FAT3: variants seen among roughly 807,000 people sequenced by gnomAD.
FAT3 encodes the protein protocadherin Fat 3.
FAT3 carries 95 observed loss-of-function variants against 310.2 expected under a neutral mutation model. The observed-to-expected ratio is 0.31, with a 90% CI of 0.26 to 0.36. The LOEUF is 0.36. Ranked by LOEUF, FAT3 falls within the 10% of genes least tolerant of loss-of-function variation. FAT3 has a pLI of 1.00. For missense variants in FAT3, 5,408 were observed against 5,715.6 expected (o/e 0.95, Z 1.74); for synonymous variants, 2,314 against 2,192.9 (o/e 1.06, Z -1.54).
chr11:92,272,636 G>T (rs1430028508), intron 1 of FAT3, among the ~76,000 whole-genome samples: 7 of 152,066 alleles, frequency 4.6e-5, no homozygotes, highest in Admixed American at 4.6e-4. Context: ...AGAGAATGAA[G>T]AGGGAAAGCT....
intron 4 of FAT3, among the ~76,000 whole-genome samples, chr11:92,736,153 C>T (rs1945339229): frequency 6.6e-6 from 1 of 152,132 alleles, no homozygotes; most frequent in African/African-American, 2.4e-5. Context: ...GTTACTCTTT[C>T]AGATCATAGA....
At chr11:92,438,862 A>T (rs959901149) in intron 2 of FAT3, among the ~76,000 whole-genome samples, 2 of 152,198 alleles carry the variant, frequency 1.3e-5, no homozygotes, top group Admixed American at 1.3e-4. Flanking sequence ...TTTAAAAGTT[A>T]TTGGGGACCT....
chr11:92,783,504 A>T (rs1205504992), intron 7 of FAT3, among the ~76,000 whole-genome samples: 4 of 6,584 alleles, frequency 6.1e-4, no homozygotes, highest in Admixed American at 2.4e-3. Flanking sequence ...TTTTTAATTA[A>T]AAAAAAAAAA....
chr11:92,715,772 A>G (rs1001070100), intron 4 of FAT3, among the ~76,000 whole-genome samples: 3 of 151,978 alleles, frequency 2.0e-5, no homozygotes, highest in Non-Finnish European at 2.9e-5. Context: ...AGGACTTCAC[A>G]GAAGAGGGGA....
intron 3 of FAT3, among the ~76,000 whole-genome samples, chr11:92,641,987 G>A (rs1236664282): frequency 6.6e-6 from 1 of 152,242 alleles, no homozygotes; most frequent in African/African-American, 2.4e-5. Flanking sequence ...ACTTGTAGAA[G>A]CCGTTTGAGG....
At chr11:92,414,254 AT>A (rs1407234643) in intron 2 of FAT3, among the ~76,000 whole-genome samples, 10 of 152,180 alleles carry the variant, frequency 6.6e-5, no homozygotes, top group Non-Finnish European at 1.3e-4. Context: ...CCTGCCCCTT[AT>A]CCCCACCCAA....
chr11:92,775,266 A>G (rs764700955), intron 7 of FAT3, among the ~76,000 whole-genome samples: 2 of 152,212 alleles, frequency 1.3e-5, no homozygotes, highest in Non-Finnish European at 2.9e-5. Context: ...ATTTGCAACT[A>G]TGTTGTTTTA....
At position 92,857,237 on chromosome 11, in the gene FAT3, G is replaced by T; in HGVS notation, c.11389G>T (p.Asp3797Tyr). 1 of 1,613,970 alleles carries T rather than the reference G, an allele frequency of 6.2e-7. No individual in the cohort carries two copies. Among genetic ancestry groups the T allele is most frequent in the Non-Finnish European group, 8.5e-7 (1 of 1,179,894 alleles). The change falls in exon 20 of 28, where the codon GAT becomes TAT. Residue 3797 changes from aspartate to tyrosine, a missense_variant. Coordinates refer to ENST00000525166, the MANE Select transcript of FAT3 (RefSeq NM_001367949.2). ...AGGAGGACTGTGTCCGGGGTCCAAC[G>T]ATCCTTGTGTGGAGAAGCCGTGTCC... is the stretch of plus-strand genomic sequence containing the variant. Reference protein sequence around the residue: ...CNGGLCPGSNDPCVEKPCPGD... With the variant: ...CNGGLCPGSNYPCVEKPCPGD...
intron 3 of FAT3, among the ~76,000 whole-genome samples, chr11:92,552,951 CA>C (rs374618399): frequency 2.1e-5 from 1 of 47,696 alleles, no homozygotes. Context: ...CACGTTCAAA[CA>C]AAAAAAAATA....
chr11:92,844,756 C>T (rs1268976229), intron 19 of FAT3, 24 bp downstream of exon 19: 6 of 1,481,588 alleles, frequency 4.0e-6, no homozygotes, highest in African/African-American at 1.4e-5. Flanking sequence ...TGAGTGTTCC[C>T]TCTCAACTCC....
At chr11:92,515,387 C>A (rs1347456356) in intron 2 of FAT3, among the ~76,000 whole-genome samples, 2 of 151,972 alleles carry the variant, frequency 1.3e-5, no homozygotes, top group Admixed American at 6.6e-5. Context: ...CAAAAAGTAT[C>A]TTTTTATGAT....
intron 2 of FAT3, among the ~76,000 whole-genome samples, chr11:92,371,205 A>C (rs1272296728): frequency 6.6e-6 from 1 of 152,208 alleles, no homozygotes; most frequent in East Asian, 1.9e-4. Context: ...ATAAGTATTG[A>C]CATATTTTCT....
rs1047049332 is a variant in FAT3, at chr11:92,896,372, AAAC to A, written c.*5271_*5273del. 1.3e-4 allele frequency: 20 copies of A among 152,134 alleles called. No individual in the cohort carries two copies. Among genetic ancestry groups the A allele is most frequent in the Admixed American group, 5.9e-4 (9 of 15,290 alleles). The allele number at this position is 152,134 out of a possible 1,614,324, so 9.4% of individuals were successfully genotyped here. A position where few individuals can be genotyped will look rare whatever the true frequency, so the allele number is the denominator to read the frequency against. On this transcript the variant is annotated 3_prime_UTR_variant, in exon 28 of 28. Transcript: ENST00000525166. ...AAAAAAAAAGACAGCCAAAAAAAAGAAACAACAACAACAAAAAAAAACACAACA... is the reference window on the plus strand; with the variant it reads ...AAAAAAAAAGACAGCCAAAAAAAAGAAACAACAACAAAAAAAAACACAACA...
chr11:92,867,512 G>C (rs1949279899), intron 22 of FAT3, among the ~76,000 whole-genome samples: 2 of 152,190 alleles, frequency 1.3e-5, no homozygotes, highest in Non-Finnish European at 2.9e-5. Context: ...AGCCAGAGGA[G>C]GTTGGGCGAA....
At chr11:92,732,661 A>T (rs1369795129) in intron 4 of FAT3, among the ~76,000 whole-genome samples, 2 of 152,340 alleles carry the variant, frequency 1.3e-5, no homozygotes, top group East Asian at 3.9e-4. Context: ...TTATGTCTCA[A>T]TGTCCATATT....
intron 3 of FAT3, among the ~76,000 whole-genome samples, chr11:92,538,226 A>C (rs1281313801): frequency 6.6e-6 from 1 of 152,112 alleles, no homozygotes; most frequent in Admixed American, 6.5e-5. Flanking sequence ...CTTATCTTTA[A>C]CCTGTTGAAC....
At chr11:92,270,656 A>G (rs1038417963) in intron 1 of FAT3, among the ~76,000 whole-genome samples, 1 of 152,120 alleles carries the variant, frequency 6.6e-6, no homozygotes, top group African/African-American at 2.4e-5. Flanking sequence ...ATTGCTCTAC[A>G]GCCTGGGGGA....
At chr11:92,277,241 A>T (rs918586620) in intron 1 of FAT3, among the ~76,000 whole-genome samples, 2 of 152,176 alleles carry the variant, frequency 1.3e-5, no homozygotes, top group Admixed American at 1.3e-4. Context: ...AACATCTAGA[A>T]GGTTGTTTTT....
chr11:92,308,214 T>C (rs539595182), intron 1 of FAT3, among the ~76,000 whole-genome samples: 2 of 152,204 alleles, frequency 1.3e-5, no homozygotes, highest in African/African-American at 4.8e-5. Context: ...CATCTCTTTC[T>C]TTCACAGGTT....
Sources: allele counts gnomAD v4.1 joint callset (sites outside exome capture counted in the v4.1 genomes callset), GRCh38; gene constraint gnomAD v4.1.1; transcripts MANE v1.5; gene names NCBI Gene and HGNC (gene_info 2026-07-23, HGNC 2026-07-21).